The following GRID2 variants were observed in gnomAD, a reference collection of about 807,000 sequenced individuals.
The protein encoded by GRID2 is glutamate receptor ionotropic, delta-2.
Under a neutral mutation model 114.8 loss-of-function variants are expected in GRID2, and 33 were observed. That is an observed-to-expected ratio of 0.29 (90% confidence interval 0.22 to 0.38). The LOEUF (loss-of-function observed/expected upper bound fraction) is 0.38, where lower values mean the gene tolerates loss of function less well. Among genes scored for constraint, GRID2 ranks in the 10% least tolerant of loss-of-function variants. The pLI is 1.00. For missense variants in GRID2, 1,184 were observed against 1,257.7 expected (o/e 0.94, Z 0.89); for synonymous variants, 505 against 449.9 (o/e 1.12, Z -1.55).
At chr4:93,420,347 A>G (rs1186550286) in intron 9 of GRID2, among the ~76,000 whole-genome samples, 1 of 152,154 alleles carries the variant, frequency 6.6e-6, no homozygotes, top group Non-Finnish European at 1.5e-5. Context: ...GATTCTAATC[A>G]CCTCAGGACC....
At chr4:92,307,949 G>A (rs1725494976) in intron 1 of GRID2, among the ~76,000 whole-genome samples, 1 of 152,226 alleles carries the variant, frequency 6.6e-6, no homozygotes, top group Non-Finnish European at 1.5e-5. Context: ...TTGCTTAGAA[G>A]TTTCCTAATG....
At chr4:93,536,484 A>T (rs1477584244) in intron 13 of GRID2, among the ~76,000 whole-genome samples, 1 of 151,822 alleles carries the variant, frequency 6.6e-6, no homozygotes, top group African/African-American at 2.4e-5. Flanking sequence ...GTGTTAGGAG[A>T]ACTGGATATC....
chr4:92,931,457 C>T (rs1750228821), intron 2 of GRID2, among the ~76,000 whole-genome samples: 1 of 150,596 alleles, frequency 6.6e-6, no homozygotes, highest in African/African-American at 2.4e-5. Context: ...CTCAACATTG[C>T]ATTAGAATTC....
intron 2 of GRID2, among the ~76,000 whole-genome samples, chr4:92,615,653 T>C (rs1729971370): frequency 1.3e-5 from 2 of 151,756 alleles, no homozygotes. Flanking sequence ...GCCTGAATTG[T>C]GCTTTTTATT....
chr4:93,200,654 T>G lies in GRID2; in HGVS notation c.736-6750T>G, dbSNP rs372424498. ...CAGTAAGTCATCTTTTGTTTTTGTT[T>G]TGTGGAAATATTTTCCTCTGTCGTG... On this transcript the variant is annotated intron_variant, in intron 4 of 15. Coordinates refer to ENST00000282020, the MANE Select transcript of GRID2 (RefSeq NM_001510.4). 1.1e-4 allele frequency among the ~76,000 whole-genome samples: 16 copies of G among 152,360 alleles called. No individual in the cohort carries two copies. In the East Asian group the frequency reaches 2.7e-3, roughly 26 times the overall value.
intron 8 of GRID2, among the ~76,000 whole-genome samples, chr4:93,376,227 G>T (rs1763367667): frequency 7.1e-6 from 1 of 139,936 alleles, no homozygotes; most frequent in South Asian, 2.2e-4. Flanking sequence ...ATGAATGGAA[G>T]TCATACCTGA....
intron 8 of GRID2, among the ~76,000 whole-genome samples, chr4:93,244,543 A>ATTAATAGATTATATAATCTATTAT: frequency 1.2e-4 from 5 of 42,482 alleles, no homozygotes; most frequent in Non-Finnish European, 2.3e-4. Flanking sequence ...TAATCTATTA[A>ATTAATAGATTATATAATCTATTAT]TTAATAGATT....
intron 1 of GRID2, among the ~76,000 whole-genome samples, chr4:92,555,841 G>T (rs1440377535): frequency 6.6e-6 from 1 of 152,052 alleles, no homozygotes; most frequent in African/African-American, 2.4e-5. Flanking sequence ...ATAAAAGTTT[G>T]CATTTCACCC....
At chr4:93,028,595 T>G (rs1013689326) in intron 2 of GRID2, among the ~76,000 whole-genome samples, 1 of 152,112 alleles carries the variant, frequency 6.6e-6, no homozygotes, top group Non-Finnish European at 1.5e-5. Context: ...TTTTTTTTTA[T>G]ATATACGTAC....
chr4:92,437,712 C>G (rs1732804515), intron 1 of GRID2, among the ~76,000 whole-genome samples: 1 of 152,232 alleles, frequency 6.6e-6, no homozygotes, highest in Admixed American at 6.5e-5. Context: ...AGGTATTACT[C>G]AGACATGAAA....
At chr4:92,309,273 A>G (rs546418640) in intron 1 of GRID2, among the ~76,000 whole-genome samples, 9 of 152,102 alleles carry the variant, frequency 5.9e-5, no homozygotes, top group Admixed American at 2.0e-4. Flanking sequence ...GGCCATTGCA[A>G]TTTCAAAAGC....
chr4:92,659,675 G>A (rs183029898), intron 2 of GRID2, among the ~76,000 whole-genome samples: 1 of 151,412 alleles, frequency 6.6e-6, no homozygotes, highest in Non-Finnish European at 1.5e-5. Flanking sequence ...GATGTGGGGG[G>A]AAAGTAAGTT....
intron 14 of GRID2, among the ~76,000 whole-genome samples, chr4:93,686,471 A>G (rs72873075): frequency 6.6e-6 from 1 of 151,598 alleles, no homozygotes; most frequent in African/African-American, 2.4e-5. Context: ...CAGGCTTAAG[A>G]TATAGAAGTA....
intron 1 of GRID2, among the ~76,000 whole-genome samples, chr4:92,315,993 C>CAAAAAA (rs778361565): frequency 2.9e-3 from 179 of 61,804 alleles, no homozygotes; most frequent in African/African-American, 3.4e-3. Context: ...AAACAAAAAG[C>CAAAAAA]AAAAAAAAAA....
At chr4:92,446,974 AG>A (rs1352999200) in intron 1 of GRID2, among the ~76,000 whole-genome samples, 1 of 152,204 alleles carries the variant, frequency 6.6e-6, no homozygotes, top group East Asian at 1.9e-4. Flanking sequence ...GTTTGTTTAA[AG>A]CACTTCAGCT....
chr4:92,658,820 C>T (rs62309218), intron 2 of GRID2, among the ~76,000 whole-genome samples: 5 of 64,638 alleles, frequency 7.7e-5, no homozygotes, highest in East Asian at 6.6e-4. Context: ...TATATATATA[C>T]ACACACACAA....
At chr4:93,429,203 A>G (rs780870289) in intron 10 of GRID2, among the ~76,000 whole-genome samples, 1 of 152,212 alleles carries the variant, frequency 6.6e-6, no homozygotes, top group East Asian at 1.9e-4. Flanking sequence ...GGTGGAAATT[A>G]TGGAGAAGCC....
chr4:92,824,089 G>A (rs1220015854), intron 2 of GRID2, among the ~76,000 whole-genome samples: 1 of 152,122 alleles, frequency 6.6e-6, no homozygotes, highest in Non-Finnish European at 1.5e-5. Context: ...TCTCTGAAAT[G>A]TCTGAGCTAG....
rs869285420 is a variant in GRID2 at position 92,965,450 on chromosome 4, T to TA, written c.245-119506dup. Among the ~76,000 whole-genome samples the TA allele has an allele frequency of 1.5e-3, 127 of 85,716 alleles. 8 individuals carry two copies. Among genetic ancestry groups the TA allele is most frequent in the Non-Finnish European group, 2.1e-3 (89 of 41,790 alleles). The allele number at this position is 85,716 out of a possible 152,430, so 56.2% of individuals were successfully genotyped here. A position where few individuals can be genotyped will look rare whatever the true frequency, so the allele number is the denominator to read the frequency against. On this transcript the variant is annotated intron_variant, in intron 2 of 15. Coordinates refer to ENST00000282020, the MANE Select transcript of GRID2 (RefSeq NM_001510.4). ...AGGGTTGCCATAAACATTCAATTTG[T>TA]AAAAAAAAAAAAAAAAAAAAAAAAA...
Sources: allele counts gnomAD v4.1 joint callset (sites outside exome capture counted in the v4.1 genomes callset), GRCh38; gene constraint gnomAD v4.1.1; transcripts MANE v1.5; gene names NCBI Gene and HGNC (gene_info 2026-07-23, HGNC 2026-07-21).